KIAA0753: variants seen among roughly 807,000 people sequenced by gnomAD.
KIAA0753 encodes protein moonraker.
Under a neutral mutation model 116.9 loss-of-function variants are expected in KIAA0753, and 114 were observed. That is an observed-to-expected ratio of 0.98 (90% CI 0.84 to 1.14). KIAA0753 has a LOEUF of 1.14. Ranked by LOEUF, KIAA0753 falls within the 50% of genes most tolerant of loss-of-function variation. The probability of loss-of-function intolerance (pLI) is 0.00; values close to 1 mark genes in which losing one functional copy is unlikely to be tolerated. For missense variants in KIAA0753, 1,156 were observed against 1,172.4 expected (o/e 0.99, Z 0.20); for synonymous variants, 405 against 413.1 (o/e 0.98, Z 0.24).
At chr17:6,620,417 A>ATAC (rs1384461257) in intron 7 of KIAA0753, among the ~76,000 whole-genome samples, 2 of 119,622 alleles carry the variant, frequency 1.7e-5, no homozygotes, top group Non-Finnish European at 1.8e-5. Context: ...AGGAAAAAAA[A>ATAC]ATACATATAT....
At chr17:6,609,256 G>A (rs985427162) in intron 9 of KIAA0753, among the ~76,000 whole-genome samples, 3 of 152,170 alleles carry the variant, frequency 2.0e-5, no homozygotes, top group Non-Finnish European at 4.4e-5. Context: ...CCCCTGACAT[G>A]ACTGCTTTTT....
intron 16 of KIAA0753, among the ~76,000 whole-genome samples, chr17:6,591,018 AG>A (rs1410808407): frequency 0.011 from 1,169 of 102,262 alleles, 26 homozygotes; most frequent in African/African-American, 0.051. Context: ...AGGAAGAAGA[AG>A]GAAGAAGGAA....
intron 2 of KIAA0753, among the ~76,000 whole-genome samples, chr17:6,633,515 A>T (rs1355568074): frequency 6.6e-6 from 1 of 152,180 alleles, no homozygotes; most frequent in Non-Finnish European, 1.5e-5. Context: ...CTACCCCATG[A>T]CTCAGCAATT....
intron 1 of KIAA0753, 26 bp from the exon 2 acceptor site, chr17:6,635,197 A>T: frequency 1.1e-6 from 1 of 899,806 alleles, no homozygotes; most frequent in Non-Finnish European, 1.9e-6. Flanking sequence ...GCTACTTCAG[A>T]CCAACAGCGT....
chr17:6,630,751 A>C (rs1211374560), intron 2 of KIAA0753, among the ~76,000 whole-genome samples: 1 of 152,228 alleles, frequency 6.6e-6, no homozygotes, highest in African/African-American at 2.4e-5. Context: ...TAAAACAAAA[A>C]TGAGGAAGAT....
At chr17:6,584,952 C>T (rs1005743508) in intron 18 of KIAA0753, among the ~76,000 whole-genome samples, 5 of 151,972 alleles carry the variant, frequency 3.3e-5, no homozygotes, top group Non-Finnish European at 7.4e-5. Context: ...CAGGCATGTA[C>T]CACCATGCCC....
chr17:6,609,603 G>T (rs1413798081), intron 9 of KIAA0753, among the ~76,000 whole-genome samples: 1 of 152,206 alleles, frequency 6.6e-6, no homozygotes, highest in African/African-American at 2.4e-5. Flanking sequence ...ACTCAGCAAA[G>T]ATTTACTGAA....
At chr17:6,615,364 T>G (rs1316469806) in intron 7 of KIAA0753, among the ~76,000 whole-genome samples, 3 of 152,128 alleles carry the variant, frequency 2.0e-5, no homozygotes, top group African/African-American at 7.2e-5. Context: ...GAACTTGACT[T>G]CGTAATGGCC....
At chr17:6,593,269 C>T (rs1311437948) in intron 16 of KIAA0753, among the ~76,000 whole-genome samples, 1 of 152,248 alleles carries the variant, frequency 6.6e-6, no homozygotes, top group Non-Finnish European at 1.5e-5. Flanking sequence ...GGTGACGGGG[C>T]TCATGCCTGT....
chr17:6,636,230 G>A (rs1972311908), intron 1 of KIAA0753: 1 of 152,128 alleles, frequency 6.6e-6, no homozygotes, highest in Admixed American at 6.5e-5. Flanking sequence ...CTGTCTAAGA[G>A]TCCTTATTTC....
At position 6,578,544 on chromosome 17, in the gene KIAA0753, C is replaced by T. The variant is rs920412229; in HGVS notation, c.*1203G>A. The T allele has an allele frequency of 2.0e-5, 3 of 152,120 alleles. No individual in the cohort carries two copies. Among genetic ancestry groups the T allele is most frequent in the African/African-American group, 7.2e-5 (3 of 41,406 alleles). The allele number at this position is 152,120 out of a possible 1,614,324, so 9.4% of individuals were successfully genotyped here. A position where few individuals can be genotyped will look rare whatever the true frequency, so the allele number is the denominator to read the frequency against. ...ACATTAAATGAAAATCAATTTTGCA[C>T]AAATAAGTGTGATCAAGCAGCTTAA... is the stretch of plus-strand genomic sequence containing the variant. On this transcript the variant is annotated 3_prime_UTR_variant, in exon 19 of 19. Transcript: ENST00000361413.
At position 6,607,203 on chromosome 17, in the gene KIAA0753, T is replaced by C; in HGVS notation, c.1897A>G (p.Ile633Val). 1 of 1,614,164 alleles carries C rather than the reference T, an allele frequency of 6.2e-7. No individual in the cohort carries two copies. The highest frequency in any genetic ancestry group is 8.5e-7 in the Non-Finnish European group (1 of 1,179,990). The change falls in exon 11 of 19, where the codon ATT (isoleucine) becomes GTT (valine). Residue 633 changes from isoleucine to valine, a missense_variant. Physicochemically the swap from Ile to Val is conservative, Grantham distance 29. Transcript: ENST00000361413. ...KELEELKAKE[I>V]DSMQKQRLDW... ...TACCTCTGTTTTTGCATGCTGTCAA[T>C]TTCCTTGGCTTTTAACTCTTCTAGT... is the stretch of plus-strand genomic sequence containing the variant.
chr17:6,609,662 A>T (rs949455137), intron 9 of KIAA0753, among the ~76,000 whole-genome samples: 4 of 152,234 alleles, frequency 2.6e-5, no homozygotes, highest in African/African-American at 9.6e-5. Flanking sequence ...AAAAGAATAT[A>T]AAAAAGACAC....
At position 6,616,252 on chromosome 17, in the gene KIAA0753, A is replaced by G. The variant is rs1425053958; in HGVS notation, c.1316-4104T>C. Among the ~76,000 whole-genome samples, 6 of 152,234 alleles carry G rather than the reference A, an allele frequency of 3.9e-5. No individual in the cohort carries two copies. In the East Asian group the frequency reaches 1.2e-3, roughly 29 times the overall value. On this transcript the variant is annotated intron_variant, in intron 7 of 18. Transcript: ENST00000361413. ...CATTCATTCTGCCTTGTCAGGGCCC[A>G]TGGAGCTGTTCCCCATAAATACATT...
At chr17:6,582,662 T>C (rs1181917214) in intron 18 of KIAA0753, among the ~76,000 whole-genome samples, 2 of 152,250 alleles carry the variant, frequency 1.3e-5, no homozygotes, top group Non-Finnish European at 2.9e-5. Flanking sequence ...TTTGTCTCTT[T>C]GTTCTCTCTT....
chr17:6,629,247 C>T (rs1205072385), intron 2 of KIAA0753, among the ~76,000 whole-genome samples: 2 of 152,184 alleles, frequency 1.3e-5, no homozygotes, highest in African/African-American at 2.4e-5. Context: ...TGAAACAGTC[C>T]GCTTATGCTT....
At chr17:6,615,778 G>A (rs1041217894) in intron 7 of KIAA0753, among the ~76,000 whole-genome samples, 8 of 152,158 alleles carry the variant, frequency 5.3e-5, no homozygotes, top group African/African-American at 1.9e-4. Flanking sequence ...TGAGGACACT[G>A]CTGGTGGTGG....
chr17:6,638,757 G>A (rs1972487261), intron 1 of KIAA0753: 1 of 152,862 alleles, frequency 6.5e-6, no homozygotes, highest in Non-Finnish European at 1.5e-5. Context: ...CTTCTCCCAG[G>A]GCTCCAGGTA....
intron 3 of KIAA0753, 49 bp downstream of exon 3, chr17:6,628,068 C>G (rs1971784112): frequency 6.5e-7 from 1 of 1,540,262 alleles, no homozygotes; most frequent in Non-Finnish European, 8.8e-7. Flanking sequence ...ATTTAAACTA[C>G]CCCATAATCA....
Sources: gnomAD v4.1 joint callset for allele counts (sites outside exome capture counted in the v4.1 genomes callset) on GRCh38, gnomAD v4.1.1 for gene constraint, MANE v1.5 for transcripts, NCBI Gene and HGNC (gene_info 2026-07-23, HGNC 2026-07-21) for gene names.